The following RABAC1 variants were observed in gnomAD, a reference collection of about 807,000 sequenced individuals.
RABAC1 encodes the protein prenylated Rab acceptor protein 1.
A neutral mutation model predicts 22.9 loss-of-function variants in RABAC1; 16 were observed. The observed-to-expected ratio is 0.70, with a 90% CI of 0.47 to 1.06. The LOEUF is 1.06. RABAC1 is among the 50% of genes least tolerant of loss of function. The probability of loss-of-function intolerance (pLI) is 0.00; values close to 1 mark genes in which losing one functional copy is unlikely to be tolerated. For missense variants in RABAC1, 227 were observed against 246.5 expected, an observed-to-expected ratio of 0.92 and a Z score of 0.53; for synonymous variants, 139 against 107.7, an observed-to-expected ratio of 1.29 and a Z score of -1.80.
intron 1 of RABAC1, 137 bp from the exon 2 acceptor site, chr19:41,959,085 C>T: frequency 2.2e-6 from 3 of 1,337,802 alleles, no homozygotes; most frequent in Admixed American, 2.5e-5. Flanking sequence ...GGACTAGGGG[C>T]CCAGACTCCA....
chr19:41,956,853 G>T lies in RABAC1; in HGVS notation c.551C>A (p.Pro184His), dbSNP rs782019242. The T allele has an allele frequency of 1.2e-6, 2 of 1,610,912 alleles. No individual in the cohort carries two copies. The highest frequency in any genetic ancestry group is 2.2e-5 in the South Asian group (2 of 90,886). ...AVDGEELQMEPV is the reference protein window; with the variant it reads ...AVDGEELQMEHV ...CAGGTCCCAGAAGACACCTCACACG[G>T]GTTCCATCTGCAGCTCCTCCCCGTC... is the stretch of plus-strand genomic sequence containing the variant. Residue 184 changes from proline (P) to histidine (H), a missense_variant, in exon 5 of 5, where the codon CCC (proline) becomes CAC (histidine). Physicochemically the swap from Pro to His is moderately conservative, Grantham distance 77. Coordinates refer to ENST00000222008, the MANE Select transcript of RABAC1 (RefSeq NM_006423.3).
chr19:41,959,017 C>A, intron 1 of RABAC1, 69 bp from the exon 2 acceptor site: 1 of 1,450,190 alleles, frequency 6.9e-7, no homozygotes, highest in South Asian at 1.3e-5. Flanking sequence ...AAGAAGGGGA[C>A]TAAGGGTGCC....
Position 41,958,937 on chromosome 19 carries a change from G to T in RABAC1, c.68C>A (p.Pro23Gln). 1 of 1,578,444 alleles carries T rather than the reference G, an allele frequency of 6.3e-7. No homozygotes were observed. The highest frequency in any genetic ancestry group is 8.6e-7 in the Non-Finnish European group (1 of 1,167,118). The change falls in exon 2 of 5, where the codon CCG becomes CAG. Residue 23 changes from proline (P) to glutamine (Q), a missense_variant. By Grantham distance (76) the Pro-to-Gln change is moderately conservative. Coordinates refer to ENST00000222008, the MANE Select transcript of RABAC1 (RefSeq NM_006423.3). ...GCCTGCACCGGAGGGAATCAGCTTC[G>T]GCAGCAGGGTCCTGCGGGGGGTGGG... ...AEGLSGTTLL[P>Q]KLIPSGAGRE...
intron 3 of RABAC1, 46 bp downstream of exon 3, chr19:41,958,240 C>T: frequency 6.4e-7 from 1 of 1,551,324 alleles, no homozygotes; most frequent in South Asian, 1.2e-5. Flanking sequence ...TCCAAAAGAC[C>T]AAGATTTGAG....
rs112276887 is a variant in RABAC1 at position 41,959,237 on chromosome 19, G to T, written c.56C>A (p.Thr19Lys). Residue 19 changes from threonine (T) to lysine (K), a missense_variant and splice_region_variant, in exon 1 of 5, where the codon ACG becomes AAG. Transcript: ENST00000222008. ...KDAEAEGLSGTTLLPKLIPSG... is the reference protein window; with the variant it reads ...KDAEAEGLSGKTLLPKLIPSG... The stretch of plus-strand genomic sequence containing the variant: ...GAGGGCCTAGAGCCAGCTCGCTCAC[G>T]TGCCGCTCAGCCCTTCCGCCTCGGC... 26 of 1,613,362 alleles carry T rather than the reference G, an allele frequency of 1.6e-5. No individual in the cohort carries two copies. The South Asian group carries it at 2.6e-4, about 16-fold the overall frequency.
At position 41,956,696 on chromosome 19, in the gene RABAC1, A is replaced by G. The variant is rs1267223647; in HGVS notation, c.*150T>C. 10 of 657,652 alleles carry G rather than the reference A, an allele frequency of 1.5e-5. No individual in the cohort carries two copies. The highest frequency in any genetic ancestry group is 2.3e-5 in the Non-Finnish European group (9 of 384,224). 40.7% of individuals were successfully genotyped at this position (657,652 alleles called of 1,614,324 possible). A position where few individuals can be genotyped will look rare whatever the true frequency, so the allele number is the denominator to read the frequency against. Reference sequence around the variant, plus strand: ...GCTGGGGGAATATTTCCTGAATGACACCCATAACAGCTTTATTTTCAAAGG... The same window carrying G: ...GCTGGGGGAATATTTCCTGAATGACGCCCATAACAGCTTTATTTTCAAAGG... On this transcript the variant is annotated 3_prime_UTR_variant, in exon 5 of 5. Transcript: ENST00000222008.
At position 41,958,728 on chromosome 19, in the gene RABAC1, G is replaced by A. The variant is rs782218108; in HGVS notation, c.269+8C>T. The A allele has an allele frequency of 6.2e-6, 10 of 1,609,730 alleles. No homozygotes were observed. The South Asian group carries it at 8.8e-5, about 14-fold the overall frequency. On this transcript the variant is annotated splice_region_variant and intron_variant, in intron 2 of 4. Coordinates refer to ENST00000222008, the MANE Select transcript of RABAC1 (RefSeq NM_006423.3). ...CTAGTGCGGGTGCGGGGCCCGGGAG[G>A]CACTCACACACAGTACAGGATGAGG...
At position 41,958,727 on chromosome 19, in the gene RABAC1, G is replaced by A; in HGVS notation, c.269+9C>T. 1 of 1,609,592 alleles carries A rather than the reference G, an allele frequency of 6.2e-7. No individual in the cohort carries two copies. Among genetic ancestry groups the A allele is most frequent in the African/African-American group, 1.3e-5 (1 of 74,924 alleles). ...GCTAGTGCGGGTGCGGGGCCCGGGA[G>A]GCACTCACACACAGTACAGGATGAG... On this transcript the variant is annotated intron_variant, in intron 2 of 4. Coordinates refer to ENST00000222008, the MANE Select transcript of RABAC1 (RefSeq NM_006423.3).
chr19:41,958,543 G>A (rs2075000502), intron 2 of RABAC1, among the ~76,000 whole-genome samples, 160 bp from the exon 3 acceptor site: 1 of 152,192 alleles, frequency 6.6e-6, no homozygotes, highest in Non-Finnish European at 1.5e-5. Context: ...GTGATGGTGG[G>A]GTAGGGGACC....
At position 41,958,758 on chromosome 19, in the gene RABAC1, GGAAC is replaced by G; in HGVS notation, c.243_246del (p.Phe82TrpfsTer9). 1 of 1,613,086 alleles carries G rather than the reference GGAAC, an allele frequency of 6.2e-7. No individual in the cohort carries two copies. The highest frequency in any genetic ancestry group is 8.5e-7 in the Non-Finnish European group (1 of 1,179,746). Reference sequence around the variant, plus strand: ...CACACACAGTACAGGATGAGGCCCAGGAACACGAACACATAGTTGCTCTGGTAGT... The same window carrying G: ...CACACACAGTACAGGATGAGGCCCAGACGAACACATAGTTGCTCTGGTAGT... On this transcript the variant is annotated frameshift_variant, in exon 2 of 5. Coordinates refer to ENST00000222008, the MANE Select transcript of RABAC1 (RefSeq NM_006423.3). LOFTEE classifies it high-confidence loss of function.
rs1342351192 is a variant in RABAC1, at chr19:41,958,821, C to T, written c.184G>A (p.Glu62Lys). The T allele has an allele frequency of 2.5e-6, 4 of 1,611,054 alleles. No homozygotes were observed. The highest frequency in any genetic ancestry group is 1.7e-5 in the Admixed American group (1 of 59,976). Residue 62 changes from glutamate to lysine, a missense_variant, in exon 2 of 5, where the codon GAG becomes AAG. By Grantham distance (56) the Glu-to-Lys change is moderately conservative. Coordinates refer to ENST00000222008, the MANE Select transcript of RABAC1 (RefSeq NM_006423.3). ...TTGCGTACGAGGCGCTGGCACAGCTCTCCCAGGTTGCGGGGCCGTGAGAAG... is the reference window on the plus strand; with the variant it reads ...TTGCGTACGAGGCGCTGGCACAGCTTTCCCAGGTTGCGGGGCCGTGAGAAG... ...QRFSRPRNLG[E>K]LCQRLVRNVE...
In RABAC1 at chr19:41,957,135, A is replaced by G. The variant is rs2074993721; in HGVS notation, c.368-16T>C. ...ACCTCTCGGCCTGGGGGCAGATGGC[A>G]TTGGGGTGCTGTTCCGACTCTCCAT... On this transcript the variant is annotated splice_polypyrimidine_tract_variant and intron_variant, in intron 3 of 4. Transcript: ENST00000222008. 6.2e-7 allele frequency: 1 copy of G among 1,607,952 alleles called. No homozygotes were observed. Among genetic ancestry groups the G allele is most frequent in the Non-Finnish European group, 8.5e-7 (1 of 1,175,646 alleles).
At position 41,956,907 on chromosome 19, in the gene RABAC1, T is replaced by C; in HGVS notation, c.497A>G (p.His166Arg). 6.2e-7 allele frequency: 1 copy of C among 1,612,584 alleles called. No homozygotes were observed. Among genetic ancestry groups the C allele is most frequent in the Non-Finnish European group, 8.5e-7 (1 of 1,179,448 alleles). Reference sequence around the variant, plus strand: ...AGCCTCAATCTGGTGGAAGGCAGCGTGGGAGCCGATGACCACCAGGGTGGC... The same window carrying C: ...AGCCTCAATCTGGTGGAAGGCAGCGCGGGAGCCGATGACCACCAGGGTGGC... ...LGATLVVIGS[H>R]AAFHQIEAVD... Residue 166 changes from histidine to arginine, a missense_variant, in exon 5 of 5, where the codon CAC becomes CGC. His to Arg is a conservative substitution (Grantham distance 29). Coordinates refer to ENST00000222008, the MANE Select transcript of RABAC1 (RefSeq NM_006423.3).
At chr19:41,959,127 T>C in intron 1 of RABAC1, 110 bp downstream of exon 1, 1 of 1,492,280 alleles carries the variant, frequency 6.7e-7, no homozygotes. Flanking sequence ...GGGCCAACAC[T>C]TCTGCGGCTC....
rs1555856820 is a variant in RABAC1, at chr19:41,957,142, T to C, written c.368-23A>G. The C allele has an allele frequency of 1.9e-6, 3 of 1,596,322 alleles. No homozygotes were observed. In the South Asian group the frequency reaches 3.3e-5, roughly 18 times the overall value. On this transcript the variant is annotated intron_variant, in intron 3 of 4. Transcript: ENST00000222008. ...GGCCTGGGGGCAGATGGCATTGGGG[T>C]GCTGTTCCGACTCTCCATGCCCTCT...
At chr19:41,959,069 G>A (rs1799856785) in intron 1 of RABAC1, 121 bp from the exon 2 acceptor site, 3 of 1,329,694 alleles carry the variant, frequency 2.3e-6, no homozygotes, top group African/African-American at 3.0e-5. Context: ...ACAGCAGGCA[G>A]GGAGGGGACT....
chr19:41,958,493 A>T (rs2075000314), intron 2 of RABAC1, 110 bp from the exon 3 acceptor site: 3 of 1,102,430 alleles, frequency 2.7e-6, no homozygotes, highest in Non-Finnish European at 4.0e-6. Flanking sequence ...GAGACCAGGG[A>T]GGGCCAGGTG....
At chr19:41,958,009 G>A (rs2074997845) in intron 3 of RABAC1, 1 of 388,526 alleles carries the variant, frequency 2.6e-6, no homozygotes, top group East Asian at 5.4e-5. Flanking sequence ...GGAGAGAGAG[G>A]GGAGGAGTCA....
At chr19:41,958,661 G>T in intron 2 of RABAC1, 75 bp downstream of exon 2, 3 of 1,479,992 alleles carry the variant, frequency 2.0e-6, no homozygotes, top group Non-Finnish European at 2.8e-6. Flanking sequence ...GCGGTGAAGG[G>T]CGGGGCCTGA....
Sources: gnomAD v4.1 joint callset for allele counts (sites outside exome capture counted in the v4.1 genomes callset) on GRCh38, gnomAD v4.1.1 for gene constraint, MANE v1.5 for transcripts, NCBI Gene and HGNC (gene_info 2026-07-23, HGNC 2026-07-21) for gene names.